Variants in MACIR observed in about 807,000 individuals in gnomAD.
MACIR encodes UNC119-binding protein C5orf30.
MACIR carries 4 observed loss-of-function variants against 14.3 expected under a neutral mutation model. The ratio of observed to expected loss-of-function variants is 0.28; its 90% confidence interval spans 0.14 to 0.64. The LOEUF (loss-of-function observed/expected upper bound fraction) is 0.64, where lower values mean the gene tolerates loss of function less well. Ranked by LOEUF, MACIR falls within the 30% of genes least tolerant of loss-of-function variation. The pLI is 0.83. For synonymous variants in MACIR, 101 were observed against 102.4 expected (o/e 0.99, Z 0.08); for missense variants, 228 against 257.6 (o/e 0.89, Z 0.79).
chr5:103,261,698 C>CTTTTCTTTTCT (rs1375863606), intron 1 of MACIR, among the ~76,000 whole-genome samples: 3 of 113,434 alleles, frequency 2.6e-5, no homozygotes, highest in East Asian at 2.5e-4. Context: ...TTCTTTCTTT[C>CTTTTCTTTTCT]TTTCTTCCTT....
intron 2 of MACIR, among the ~76,000 whole-genome samples, chr5:103,268,080 T>A (rs1804990583): frequency 6.6e-6 from 1 of 152,240 alleles, no homozygotes; most frequent in Non-Finnish European, 1.5e-5. Context: ...TCTCTTTCCC[T>A]GTTGATGGAT....
In MACIR at chr5:103,276,715, C is replaced by T. The variant is rs1805349403; in HGVS notation, c.*175C>T. 5.7e-6 allele frequency: 3 copies of T among 526,148 alleles called. No individual in the cohort carries two copies. The highest frequency in any genetic ancestry group is 6.6e-6 in the Non-Finnish European group (2 of 303,578). The allele number at this position is 526,148 out of a possible 1,614,324, so 32.6% of individuals were successfully genotyped here. A position where few individuals can be genotyped will look rare whatever the true frequency, so the allele number is the denominator to read the frequency against. ...GAATACAGGAATGAAATCACAGGTA[C>T]TTGGGGGGGGGATATCATTCTAGAG... On this transcript the variant is annotated 3_prime_UTR_variant, in exon 3 of 3. Coordinates refer to ENST00000319933, the MANE Select transcript of MACIR (RefSeq NM_033211.4).
At chr5:103,271,131 C>G (rs114827678) in intron 2 of MACIR, among the ~76,000 whole-genome samples, 1 of 151,926 alleles carries the variant, frequency 6.6e-6, no homozygotes, top group Non-Finnish European at 1.5e-5. Flanking sequence ...TAAATGAACT[C>G]TATATATAGG....
chr5:103,268,110 T>A (rs1430032737), intron 2 of MACIR, among the ~76,000 whole-genome samples: 2 of 152,230 alleles, frequency 1.3e-5, no homozygotes, highest in East Asian at 3.8e-4. Flanking sequence ...GTTTCCAGTT[T>A]CGGTGTTTGT....
intron 2 of MACIR, 49 bp from the exon 3 acceptor site, chr5:103,275,848 C>G: frequency 6.6e-7 from 1 of 1,514,336 alleles, no homozygotes; most frequent in South Asian, 1.3e-5. Context: ...TGGCCTGGCC[C>G]AAGTCTCTGT....
chr5:103,275,986 G>C lies in MACIR; in HGVS notation c.67G>C (p.Ala23Pro). 1 of 1,613,994 alleles carries C rather than the reference G, an allele frequency of 6.2e-7. No homozygotes were observed. The highest frequency in any genetic ancestry group is 8.5e-7 in the Non-Finnish European group (1 of 1,180,002). The change falls in exon 3 of 3, where the codon GCC (alanine) becomes CCC (proline). Residue 23 changes from alanine (A) to proline (P), a missense_variant. Ala to Pro is a conservative substitution (Grantham distance 27). Coordinates refer to ENST00000319933, the MANE Select transcript of MACIR (RefSeq NM_033211.4). ...LTTLPFPGAE[A>P]NSPGKAEAEK... ...CACCTTGCCCTTCCCTGGGGCTGAG[G>C]CCAACTCCCCGGGAAAGGCGGAGGC...
chr5:103,272,308 T>C (rs1805162569), intron 2 of MACIR, among the ~76,000 whole-genome samples: 1 of 152,200 alleles, frequency 6.6e-6, no homozygotes. Flanking sequence ...GTTGGACATC[T>C]GTATATCAAG....
intron 1 of MACIR, among the ~76,000 whole-genome samples, chr5:103,264,120 T>C (rs945926509): frequency 6.6e-6 from 1 of 152,162 alleles, no homozygotes; most frequent in African/African-American, 2.4e-5. Context: ...GATATACATT[T>C]TGCGGGATCA....
At position 103,276,551 on chromosome 5, in the gene MACIR, G is replaced by C. The variant is rs1554237769; in HGVS notation, c.*11G>C. On this transcript the variant is annotated 3_prime_UTR_variant, in exon 3 of 3. Transcript: ENST00000319933. ...AGGAATAATACATGAATGACTTGGA[G>C]AGAGCTTAAACCAATTTAGGTCAGC... is the stretch of plus-strand genomic sequence containing the variant. The C allele has an allele frequency of 6.3e-7, 1 of 1,597,830 alleles. No homozygotes were observed. The highest frequency in any genetic ancestry group is 1.1e-5 in the South Asian group (1 of 88,444).
intron 1 of MACIR, chr5:103,259,365 C>CCCGCGGTG (rs1485489699): frequency 1.3e-5 from 2 of 152,144 alleles, no homozygotes; most frequent in African/African-American, 4.8e-5. Context: ...GAGCGCCTCT[C>CCCGCGGTG]CCGCGGTGCC....
At chr5:103,275,794 C>G (rs782725775) in intron 2 of MACIR, 103 bp from the exon 3 acceptor site, 37 of 923,750 alleles carry the variant, frequency 4.0e-5, no homozygotes, top group Non-Finnish European at 5.4e-5. Context: ...GACTGTCTTT[C>G]AGGCAAGTGT....
intron 1 of MACIR, among the ~76,000 whole-genome samples, chr5:103,262,628 G>C (rs766431238): frequency 1.3e-5 from 2 of 152,144 alleles, no homozygotes; most frequent in Non-Finnish European, 2.9e-5. Flanking sequence ...GTGAAATGTT[G>C]GGTGTCTTTT....
Position 103,275,951 on chromosome 5 carries a change from G to A in MACIR, c.32G>A (p.Ser11Asn), listed in dbSNP as rs562216410. The A allele has an allele frequency of 7.4e-6, 12 of 1,613,788 alleles. No individual in the cohort carries two copies. In the South Asian group the frequency reaches 1.3e-4, roughly 18 times the overall value. MEVDINGESRSTLTTLPFPGA... is the reference protein window; with the variant it reads MEVDINGESRNTLTTLPFPGA... ...GTCGATATTAATGGAGAGTCTAGAA[G>A]TACCCTGACCACCTTGCCCTTCCCT... is the stretch of plus-strand genomic sequence containing the variant. The change falls in exon 3 of 3, where the codon AGT becomes AAT. Residue 11 changes from serine to asparagine, a missense_variant. Ser to Asn is a conservative substitution (Grantham distance 46, BLOSUM62 1). Coordinates refer to ENST00000319933, the MANE Select transcript of MACIR (RefSeq NM_033211.4).
At chr5:103,275,559 G>A (rs932756134) in intron 2 of MACIR, among the ~76,000 whole-genome samples, 5 of 152,154 alleles carry the variant, frequency 3.3e-5, no homozygotes, top group African/African-American at 7.2e-5. Context: ...TATTTGACTC[G>A]CTTGATATTG....
At chr5:103,270,784 G>C (rs1420987697) in intron 2 of MACIR, among the ~76,000 whole-genome samples, 2 of 152,078 alleles carry the variant, frequency 1.3e-5, no homozygotes, top group Non-Finnish European at 2.9e-5. Context: ...CACTGACTCA[G>C]ACACCCTATA....
intron 2 of MACIR, among the ~76,000 whole-genome samples, chr5:103,270,922 C>T (rs1805099041): frequency 6.6e-6 from 1 of 152,020 alleles, no homozygotes; most frequent in South Asian, 2.1e-4. Context: ...TACCATATCC[C>T]TCCTATCATG....
chr5:103,274,188 G>A (rs1243912656), intron 2 of MACIR, among the ~76,000 whole-genome samples: 5 of 152,034 alleles, frequency 3.3e-5, no homozygotes, highest in African/African-American at 9.7e-5. Flanking sequence ...TTTGTCATTC[G>A]ACTCCGAGTA....
intron 2 of MACIR, among the ~76,000 whole-genome samples, chr5:103,266,836 A>G (rs1804939093): frequency 6.6e-6 from 1 of 152,202 alleles, no homozygotes. Context: ...AAGGAATGGT[A>G]GGGAAAAACA....
In MACIR at chr5:103,275,911, GT is replaced by G. The variant is rs1805305311; in HGVS notation, c.-8del. 1 of 1,607,226 alleles carries G rather than the reference GT, an allele frequency of 6.2e-7. No individual in the cohort carries two copies. The highest frequency in any genetic ancestry group is 2.2e-5 in the East Asian group (1 of 44,740). ...TTTACTTTTAGGATTGTGCAGACTG[GT>G]GCTTAAAATGGAAGTCGATATTAAT... On this transcript the variant is annotated 5_prime_UTR_variant, in exon 3 of 3. Coordinates refer to ENST00000319933, the MANE Select transcript of MACIR (RefSeq NM_033211.4).
Sources: gnomAD v4.1 joint callset for allele counts (sites outside exome capture counted in the v4.1 genomes callset) on GRCh38, gnomAD v4.1.1 for gene constraint, MANE v1.5 for transcripts, NCBI Gene and HGNC (gene_info 2026-07-23, HGNC 2026-07-21) for gene names.